The following GABRA2 variants were observed in gnomAD, a reference collection of about 807,000 sequenced individuals.
GABRA2 encodes the protein gamma-aminobutyric acid receptor subunit alpha-2.
GABRA2 carries 16 observed loss-of-function variants against 48.7 expected under a neutral mutation model. The observed-to-expected ratio is 0.33, with a 90% CI of 0.22 to 0.50. The LOEUF (loss-of-function observed/expected upper bound fraction) is 0.50. GABRA2 is among the 20% of genes least tolerant of loss of function. The pLI is 0.98. For missense variants in GABRA2, 275 were observed against 535.6 expected (o/e 0.51, Z 4.80); for synonymous variants, 185 against 184.5 (o/e 1.00, Z -0.02).
intron 4 of GABRA2, among the ~76,000 whole-genome samples, chr4:46,331,496 T>C (rs1410041599): frequency 6.6e-6 from 1 of 152,184 alleles, no homozygotes; most frequent in Non-Finnish European, 1.5e-5. Flanking sequence ...TTGTTTTGTT[T>C]GTTTATCCAG....
intron 4 of GABRA2, among the ~76,000 whole-genome samples, chr4:46,328,453 A>T (rs1730773088): frequency 6.6e-6 from 1 of 150,938 alleles, no homozygotes; most frequent in African/African-American, 2.5e-5. Context: ...GACCGTGCAC[A>T]CTGATTAGAA....
At position 46,314,823 on chromosome 4, in the gene GABRA2, C is replaced by T. The variant is rs180701814; in HGVS notation, c.256-2107G>A. On this transcript the variant is annotated intron_variant, in intron 4 of 9. Transcript: ENST00000381620. ...TTGCTGCAGAGCGCAAGATTTTGTT[C>T]TCTTTTAAGGCTTCCTAACATCCCA... is the stretch of plus-strand genomic sequence containing the variant. Among the ~76,000 whole-genome samples, 415 of 152,190 alleles carry T rather than the reference C, an allele frequency of 2.7e-3. 2 individuals are homozygous for T. Among genetic ancestry groups the T allele is most frequent in the Middle Eastern group, 0.014 (4 of 294 alleles).
intron 3 of GABRA2, among the ~76,000 whole-genome samples, chr4:46,361,424 T>C (rs1474494075): frequency 6.6e-6 from 1 of 152,162 alleles, no homozygotes; most frequent in Non-Finnish European, 1.5e-5. Flanking sequence ...GTTGAGTCTA[T>C]GGTGCACAGA....
chr4:46,364,157 CA>C (rs1713671531), intron 3 of GABRA2: 1 of 152,086 alleles, frequency 6.6e-6, no homozygotes, highest in Admixed American at 6.6e-5. Flanking sequence ...AAATTCAATT[CA>C]GAGTTATACA....
chr4:46,380,397 G>A (rs753148987), intron 3 of GABRA2, among the ~76,000 whole-genome samples: 6 of 152,122 alleles, frequency 3.9e-5, no homozygotes, highest in African/African-American at 1.2e-4. Context: ...AGTTTATCAT[G>A]TTTTGGAAGT....
At chr4:46,317,430 G>A (rs948087777) in intron 4 of GABRA2, among the ~76,000 whole-genome samples, 39 of 151,596 alleles carry the variant, frequency 2.6e-4, no homozygotes, top group African/African-American at 9.2e-4. Context: ...AATATGGAAC[G>A]ATATAGACAT....
At chr4:46,373,934 C>A (rs1266146587) in intron 3 of GABRA2, among the ~76,000 whole-genome samples, 1 of 152,154 alleles carries the variant, frequency 6.6e-6, no homozygotes, top group Non-Finnish European at 1.5e-5. Flanking sequence ...TGAACACCAG[C>A]CTTGCAATTC....
intron 3 of GABRA2, among the ~76,000 whole-genome samples, chr4:46,378,448 T>C (rs576959611): frequency 5.3e-5 from 8 of 152,054 alleles, no homozygotes; most frequent in South Asian, 2.1e-4. Context: ...GTTAAACAGA[T>C]GCTTGAAGGC....
At chr4:46,334,515 G>A (rs1003556779) in intron 3 of GABRA2, among the ~76,000 whole-genome samples, 1 of 152,160 alleles carries the variant, frequency 6.6e-6, no homozygotes, top group Non-Finnish European at 1.5e-5. Flanking sequence ...AGAGAAGAAA[G>A]TGAAATGATT....
intron 3 of GABRA2, chr4:46,364,716 A>T (rs1037712749): frequency 1.3e-5 from 2 of 152,210 alleles, no homozygotes; most frequent in African/African-American, 4.8e-5. Flanking sequence ...CTCATGTTTT[A>T]AATATCCTGG....
intron 3 of GABRA2, among the ~76,000 whole-genome samples, chr4:46,369,876 T>C (rs2109994456): frequency 6.6e-6 from 1 of 152,242 alleles, no homozygotes; most frequent in African/African-American, 2.4e-5. Context: ...TTAAGGCTTC[T>C]AGAAGGTAGT....
chr4:46,361,127 C>T (rs1649931242), intron 3 of GABRA2, among the ~76,000 whole-genome samples: 1 of 152,050 alleles, frequency 6.6e-6, no homozygotes, highest in Non-Finnish European at 1.5e-5. Flanking sequence ...TTTAAGATAC[C>T]TCGAGAAACT....
At chr4:46,284,004 C>A (rs1183781009) in intron 8 of GABRA2, among the ~76,000 whole-genome samples, 1 of 151,346 alleles carries the variant, frequency 6.6e-6, no homozygotes, top group Non-Finnish European at 1.5e-5. Flanking sequence ...TGTGATCTGC[C>A]CACCTCAGCC....
intron 3 of GABRA2, among the ~76,000 whole-genome samples, chr4:46,385,403 ATATT>A (rs1717311051): frequency 2.6e-5 from 4 of 151,878 alleles, no homozygotes; most frequent in South Asian, 4.1e-4. Context: ...GAATAAAAAT[ATATT>A]TATTTTTCTG....
intron 3 of GABRA2, among the ~76,000 whole-genome samples, chr4:46,356,847 C>A (rs969433672): frequency 3.3e-5 from 5 of 152,100 alleles, no homozygotes; most frequent in African/African-American, 1.2e-4. Flanking sequence ...CCCATAAATA[C>A]CTCTCCTGAG....
intron 7 of GABRA2, among the ~76,000 whole-genome samples, chr4:46,303,829 T>G (rs538917743): frequency 2.0e-5 from 3 of 152,192 alleles, no homozygotes; most frequent in Admixed American, 1.3e-4. Context: ...TCACGTCCCA[T>G]GATATTGTAC....
At chr4:46,369,209 T>C (rs1714507958) in intron 3 of GABRA2, among the ~76,000 whole-genome samples, 1 of 152,090 alleles carries the variant, frequency 6.6e-6, no homozygotes, top group East Asian at 1.9e-4. Context: ...TCTGGCTAAA[T>C]CTAGAGGGCA....
intron 3 of GABRA2, among the ~76,000 whole-genome samples, chr4:46,334,977 T>A (rs1349831496): frequency 6.6e-6 from 1 of 152,168 alleles, no homozygotes; most frequent in African/African-American, 2.4e-5. Context: ...CAGATTTCAA[T>A]ATGGATGGAT....
rs138284089 is a variant in GABRA2, at chr4:46,284,448, T to A, written c.856+19012A>T. Among the ~76,000 whole-genome samples, 1,151 of 152,306 alleles carry A rather than the reference T, an allele frequency of 7.6e-3. 15 individuals carry two copies. The highest frequency in any genetic ancestry group is 0.026 in the African/African-American group (1,082 of 41,564). On this transcript the variant is annotated intron_variant, in intron 8 of 9. Coordinates refer to ENST00000381620, the MANE Select transcript of GABRA2 (RefSeq NM_000807.4). The stretch of plus-strand genomic sequence containing the variant: ...GCTGGGCTTACTTTTTGTTCAAGGA[T>A]GTAAATAGCACTTAGTAAGTATCTG...
Sources: allele counts gnomAD v4.1 joint callset (sites outside exome capture counted in the v4.1 genomes callset), GRCh38; gene constraint gnomAD v4.1.1; transcripts MANE v1.5; gene names NCBI Gene and HGNC (gene_info 2026-07-23, HGNC 2026-07-21).